Variants in LSM14A observed in about 807,000 individuals in gnomAD.
LSM14A encodes the protein LSM14A mRNA processing body assembly factor.
A neutral mutation model predicts 52.4 loss-of-function variants in LSM14A; 14 were observed. The ratio of observed to expected loss-of-function variants is 0.27; its 90% confidence interval spans 0.18 to 0.42. The LOEUF (loss-of-function observed/expected upper bound fraction) is 0.42. Among genes scored for constraint, LSM14A ranks in the 10% least tolerant of loss-of-function variants. LSM14A has a pLI of 1.00. For synonymous variants in LSM14A, 185 were observed against 200.3 expected (o/e 0.92, Z 0.64); for missense variants, 417 against 581.8 (o/e 0.72, Z 2.91).
chr19:34,177,564 C>G (rs968847812), intron 1 of LSM14A, among the ~76,000 whole-genome samples: 7 of 152,068 alleles, frequency 4.6e-5, no homozygotes, highest in African/African-American at 1.7e-4. Context: ...GTGGAAAGTC[C>G]TTGTTTGTGC....
At chr19:34,222,758 C>T (rs1015918361) in intron 9 of LSM14A, among the ~76,000 whole-genome samples, 1 of 152,198 alleles carries the variant, frequency 6.6e-6, no homozygotes, top group South Asian at 2.1e-4. Flanking sequence ...AAGTCACCAG[C>T]TTATGCCATC....
Position 34,215,294 on chromosome 19 carries a change from A to C in LSM14A, c.709A>C (p.Arg237=). 1 of 1,610,736 alleles carries C rather than the reference A, an allele frequency of 6.2e-7. No homozygotes were observed. ...SQKAGENQEH[R]RAEVHKVSRP... ...AAAGGCAGGAGAGAATCAGGAGCAC[A>C]GGCGAGGTAGAACTTTAGCTGTTTA... is the stretch of plus-strand genomic sequence containing the variant. The change falls in exon 5 of 10, where the codon AGG becomes CGG. Residue 237 remains arginine, a synonymous_variant. Transcript: ENST00000544216.
chr19:34,226,504 T>G (rs1228311693), intron 9 of LSM14A: 1 of 1,474,484 alleles, frequency 6.8e-7, no homozygotes, highest in East Asian at 2.5e-5. Flanking sequence ...GAAGGTTGGC[T>G]TTGTGGGGGA....
At chr19:34,188,186 T>A (rs567323059) in intron 1 of LSM14A, among the ~76,000 whole-genome samples, 52 of 152,176 alleles carry the variant, frequency 3.4e-4, no homozygotes, top group African/African-American at 1.2e-3. Context: ...CTCAAGAGAC[T>A]GAGGTGGGAG....
intron 1 of LSM14A, among the ~76,000 whole-genome samples, chr19:34,187,250 A>C: frequency 6.8e-6 from 1 of 147,350 alleles, no homozygotes; most frequent in Non-Finnish European, 1.5e-5. Context: ...CTCGGTCTCA[A>C]AAAAAAAAAA....
rs201308215 is a variant in LSM14A, at chr19:34,194,327, T to TA, written c.122-144dup. Reference sequence around the variant, plus strand: ...GCAAAAGCCACTCTATTTTCCTCTTTAAAAAAACTTTTTTAGCTATAGATT... The same window carrying TA: ...GCAAAAGCCACTCTATTTTCCTCTTTAAAAAAAACTTTTTTAGCTATAGATT... On this transcript the variant is annotated intron_variant, in intron 1 of 9. Transcript: ENST00000544216. 1,135 of 701,846 alleles carry TA rather than the reference T, an allele frequency of 1.6e-3. 9 individuals are homozygous for TA. In the African/African-American group the frequency reaches 0.018, roughly 11 times the overall value. 43.5% of individuals were successfully genotyped at this position (701,846 alleles called of 1,614,324 possible). A position where few individuals can be genotyped will look rare whatever the true frequency, so the allele number is the denominator to read the frequency against.
Position 34,219,402 on chromosome 19 carries a change from C to T in LSM14A, c.793C>T (p.Pro265Ser), listed in dbSNP as rs1199296215. 1 of 1,607,772 alleles carries T rather than the reference C, an allele frequency of 6.2e-7. No individual in the cohort carries two copies. Among genetic ancestry groups the T allele is most frequent in the South Asian group, 1.1e-5 (1 of 89,754 alleles). The change falls in exon 7 of 10, where the codon CCT becomes TCT. Residue 265 changes from proline (P) to serine (S), a missense_variant. Around this residue, in one of 2 missense-constraint regions of LSM14A, gnomAD observed 357 missense variants for 457.0 expected, o/e 0.78. Transcript: ENST00000544216. ...CTTTATTATCATAGCTCCAGGTGCTCCTTCAGCTCCAAGGAGAGGGCGTGG... is the reference window on the plus strand; with the variant it reads ...CTTTATTATCATAGCTCCAGGTGCTTCTTCAGCTCCAAGGAGAGGGCGTGG... ...DNKRQVAPGA[P>S]SAPRRGRGGH...
At position 34,228,102 on chromosome 19, in the gene LSM14A, T is replaced by C. The variant is rs1599730621; in HGVS notation, c.*714T>C. On this transcript the variant is annotated 3_prime_UTR_variant, in exon 10 of 10. Coordinates refer to ENST00000544216, the MANE Select transcript of LSM14A (RefSeq NM_015578.4). ...AACATTTTAAAGTCAGCAAACATAC[T>C]GTGTCCTTGCAGAAGTTGATGTGCT... The C allele has an allele frequency of 1.3e-5, 2 of 152,756 alleles. No homozygotes were observed. Among genetic ancestry groups the C allele is most frequent in the South Asian group, 4.1e-4 (2 of 4,826 alleles). The allele number at this position is 152,756 out of a possible 1,614,324, so 9.5% of individuals were successfully genotyped here.
intron 8 of LSM14A, 106 bp from the exon 9 acceptor site, chr19:34,221,401 A>G: frequency 4.0e-6 from 5 of 1,244,106 alleles, no homozygotes; most frequent in Non-Finnish European, 5.6e-6. Context: ...ATTTCTAATT[A>G]GCTTTAGTAA....
intron 4 of LSM14A, among the ~76,000 whole-genome samples, chr19:34,213,643 G>T (rs936468315): frequency 1.3e-5 from 2 of 152,148 alleles, no homozygotes; most frequent in African/African-American, 4.8e-5. Context: ...AAGCAGAGAT[G>T]TACAGCAAAC....
In LSM14A at chr19:34,194,787, A is replaced by G. The variant is rs1308081954; in HGVS notation, c.285+146A>G. ...AAATTACTGGATAATGTTCTCATCT[A>G]GGTTTTTCTCTTTGTATCATAAATT... On this transcript the variant is annotated intron_variant, in intron 2 of 9. Coordinates refer to ENST00000544216, the MANE Select transcript of LSM14A (RefSeq NM_015578.4). The G allele has an allele frequency of 4.7e-5, 35 of 737,870 alleles. No homozygotes were observed. The East Asian group carries it at 9.2e-4, about 19-fold the overall frequency. 45.7% of individuals were successfully genotyped at this position (737,870 alleles called of 1,614,324 possible).
intron 3 of LSM14A, among the ~76,000 whole-genome samples, chr19:34,200,761 T>C (rs1390834514): frequency 1.3e-5 from 2 of 152,228 alleles, no homozygotes; most frequent in South Asian, 4.1e-4. Context: ...GTAAGATCAA[T>C]GTTATTTATT....
intron 7 of LSM14A, 58 bp downstream of exon 7, chr19:34,219,631 G>A: frequency 6.4e-7 from 1 of 1,557,394 alleles, no homozygotes; most frequent in Non-Finnish European, 8.8e-7. Context: ...AATTACAGAT[G>A]TTTCTCAGAT....
chr19:34,209,886 A>G (rs1321829320), intron 4 of LSM14A, among the ~76,000 whole-genome samples: 2 of 151,224 alleles, frequency 1.3e-5, no homozygotes, highest in South Asian at 2.1e-4. Flanking sequence ...ATGCTGCCCA[A>G]ACTGAAATGC....
At position 34,194,526 on chromosome 19, in the gene LSM14A, C is replaced by T. The variant is rs762388486; in HGVS notation, c.170C>T (p.Pro57Leu). 1.9e-6 allele frequency: 3 copies of T among 1,614,100 alleles called. No individual in the cohort carries two copies. The highest frequency in any genetic ancestry group is 2.2e-5 in the South Asian group (2 of 91,082). Residue 57 changes from proline (P) to leucine (L), a missense_variant, in exon 2 of 10, where the codon CCT (proline) becomes CTT (leucine). Transcript: ENST00000544216. ...EDRPTDRPIP[P>L]RDEVFEYIIF... ...AGACCGACAGATCGTCCAATACCAC[C>T]TCGAGATGAAGTCTTTGAATACATT... is the stretch of plus-strand genomic sequence containing the variant.
intron 9 of LSM14A, chr19:34,226,318 C>G (rs1438274909): frequency 5.1e-4 from 540 of 1,062,026 alleles, no homozygotes; most frequent in Non-Finnish European, 6.5e-4. Flanking sequence ...ATAATGCTCT[C>G]TCTCCTCTCC....
intron 9 of LSM14A, among the ~76,000 whole-genome samples, chr19:34,227,051 G>T (rs1222098525): frequency 6.6e-6 from 1 of 152,144 alleles, no homozygotes; most frequent in Non-Finnish European, 1.5e-5. Context: ...TGAGTTGAGG[G>T]TTTAAGTCCT....
chr19:34,212,003 A>G (rs921136999), intron 4 of LSM14A, among the ~76,000 whole-genome samples: 3 of 152,138 alleles, frequency 2.0e-5, no homozygotes, highest in Non-Finnish European at 4.4e-5. Context: ...GCAGGAAAAA[A>G]GAAAGAGATG....
chr19:34,185,608 A>G (rs2069840317), intron 1 of LSM14A, among the ~76,000 whole-genome samples: 1 of 152,212 alleles, frequency 6.6e-6, no homozygotes, highest in South Asian at 2.1e-4. Flanking sequence ...TGCTACCTTC[A>G]GGGCCTGAGC....
Sources: allele counts gnomAD v4.1 joint callset (sites outside exome capture counted in the v4.1 genomes callset), GRCh38; gene constraint gnomAD v4.1.1; regional missense constraint gnomAD v4.1.1; transcripts MANE v1.5; gene names NCBI Gene and HGNC (gene_info 2026-07-23, HGNC 2026-07-21).